DOCK4: variants seen among roughly 807,000 people sequenced by gnomAD.
DOCK4 encodes dedicator of cytokinesis protein 4.
Under a neutral mutation model 268.1 loss-of-function variants are expected in DOCK4, and 97 were observed. The observed-to-expected ratio is 0.36, with a 90% confidence interval of 0.31 to 0.43. The LOEUF (loss-of-function observed/expected upper bound fraction) is 0.43, where lower values mean the gene tolerates loss of function less well. Among genes scored for constraint, DOCK4 ranks in the 20% least tolerant of loss-of-function variants. The pLI, the probability that DOCK4 is intolerant of heterozygous loss-of-function variation, is 1.00. For synonymous variants in DOCK4, 954 were observed against 887.2 expected, an observed-to-expected ratio of 1.08 and a Z score of -1.34; for missense variants, 2,145 against 2,455.7, an observed-to-expected ratio of 0.87 and a Z score of 2.67.
At chr7:112,001,308 G>A (rs939602652) in intron 2 of DOCK4, among the ~76,000 whole-genome samples, 1 of 152,164 alleles carries the variant, frequency 6.6e-6, no homozygotes, top group Non-Finnish European at 1.5e-5. Context: ...GGTTTAAACT[G>A]CATGCCATTC....
Position 112,206,205 on chromosome 7 carries a change from G to C in DOCK4, c.-67C>G. 1.1e-5 allele frequency: 16 copies of C among 1,501,106 alleles called. No individual in the cohort carries two copies. Among genetic ancestry groups the C allele is most frequent in the African/African-American group, 1.4e-5 (1 of 72,096 alleles). The allele number at this position is 1,501,106 out of a possible 1,614,324, so 93.0% of individuals were successfully genotyped here. ...CGCCCCTTCTCCGGCTCACAACAAT[G>C]CACAGTCCCCGAGCAGCGCTGCAGT... On this transcript the variant is annotated 5_prime_UTR_variant, in exon 1 of 53. Transcript: ENST00000428084.
At chr7:112,102,521 C>T (rs1054642421) in intron 1 of DOCK4, among the ~76,000 whole-genome samples, 5 of 152,160 alleles carry the variant, frequency 3.3e-5, no homozygotes, top group South Asian at 2.1e-4. Context: ...CTTTGGGAGG[C>T]GATTAGGCTG....
At chr7:111,988,296 T>C (rs1175865659) in intron 6 of DOCK4, among the ~76,000 whole-genome samples, 1 of 152,184 alleles carries the variant, frequency 6.6e-6, no homozygotes, top group Non-Finnish European at 1.5e-5. Flanking sequence ...CACGCAACCC[T>C]AGGGTCTCAG....
At chr7:112,167,036 C>T (rs1817667657) in intron 1 of DOCK4, among the ~76,000 whole-genome samples, 1 of 152,112 alleles carries the variant, frequency 6.6e-6, no homozygotes, top group South Asian at 2.1e-4. Context: ...TTGTAATTTT[C>T]AAGGTTGCCA....
At chr7:111,815,669 C>T (rs1801492357) in intron 27 of DOCK4, among the ~76,000 whole-genome samples, 1 of 123,294 alleles carries the variant, frequency 8.1e-6, no homozygotes, top group African/African-American at 3.0e-5. Context: ...CTTTTTCTCT[C>T]TCTCTGTTCT....
At chr7:111,764,024 G>A (rs1349933150) in intron 39 of DOCK4, among the ~76,000 whole-genome samples, 1 of 152,098 alleles carries the variant, frequency 6.6e-6, no homozygotes, top group East Asian at 1.9e-4. Context: ...ATTTCCTCCA[G>A]TTTTAGGCAG....
At chr7:111,865,911 T>C (rs1350808132) in intron 22 of DOCK4, among the ~76,000 whole-genome samples, 3 of 152,228 alleles carry the variant, frequency 2.0e-5, no homozygotes, top group African/African-American at 7.2e-5. Flanking sequence ...GACATTAGTC[T>C]TCTGAAAACA....
intron 12 of DOCK4, among the ~76,000 whole-genome samples, chr7:111,926,938 G>A (rs1793762892): frequency 6.6e-6 from 1 of 151,948 alleles, no homozygotes; most frequent in Non-Finnish European, 1.5e-5. Flanking sequence ...GAGGAAGGAA[G>A]ACAGGAAGAA....
At chr7:111,911,808 G>GTT (rs537962837) in intron 13 of DOCK4, among the ~76,000 whole-genome samples, 6 of 147,490 alleles carry the variant, frequency 4.1e-5, no homozygotes, top group African/African-American at 1.5e-4. Context: ...GCTCTAAAAT[G>GTT]TTTTTTTTTT....
At position 112,072,566 on chromosome 7, in the gene DOCK4, A is replaced by C. The variant is rs552615465; in HGVS notation, c.38-68435T>G. 2.6e-5 allele frequency among the ~76,000 whole-genome samples: 4 copies of C among 152,342 alleles called. No homozygotes were observed. The South Asian group carries it at 8.3e-4, about 32-fold the overall frequency. ...TCATATGACCCAGCAATCCTGTTAC[A>C]GTAGGCAGTGAGGCAGACATGAGCA... On this transcript the variant is annotated intron_variant, in intron 1 of 52. Transcript: ENST00000428084.
chr7:112,100,248 C>T (rs1197352778), intron 1 of DOCK4, among the ~76,000 whole-genome samples: 1 of 152,204 alleles, frequency 6.6e-6, no homozygotes, highest in East Asian at 1.9e-4. Flanking sequence ...TAAAAAATAA[C>T]TATGCATAAT....
chr7:112,173,179 C>A (rs572189446), intron 1 of DOCK4, among the ~76,000 whole-genome samples: 17 of 152,194 alleles, frequency 1.1e-4, no homozygotes, highest in Non-Finnish European at 2.2e-4. Context: ...ATTTTACAGA[C>A]ATTTTATCCA....
rs370321814 is a variant in DOCK4, at chr7:112,175,002, G to A, written c.37+31100C>T. Among the ~76,000 whole-genome samples, 18 of 146,200 alleles carry A rather than the reference G, an allele frequency of 1.2e-4. No homozygotes were observed. The East Asian group carries it at 1.6e-3, about 13-fold the overall frequency. On this transcript the variant is annotated intron_variant, in intron 1 of 52. Coordinates refer to ENST00000428084, the MANE Select transcript of DOCK4 (RefSeq NM_001363540.2). ...GTTGCCCAGGCTGGAGTGCAGTGGC[G>A]CGATCTTGGCTCACTGAAACCTGGC...
At chr7:111,972,429 G>C (rs932475512) in intron 8 of DOCK4, among the ~76,000 whole-genome samples, 1 of 152,100 alleles carries the variant, frequency 6.6e-6, no homozygotes, top group Non-Finnish European at 1.5e-5. Context: ...AAAGCACTTA[G>C]AACAGAGTAT....
chr7:111,819,996 G>A (rs1238590860), intron 27 of DOCK4: 4 of 152,168 alleles, frequency 2.6e-5, no homozygotes, highest in Non-Finnish European at 2.9e-5. Flanking sequence ...GCTCTTTAAC[G>A]TATTTAAGAT....
intron 1 of DOCK4, among the ~76,000 whole-genome samples, chr7:112,204,379 G>T (rs1345273603): frequency 1.3e-5 from 2 of 152,202 alleles, no homozygotes; most frequent in Non-Finnish European, 2.9e-5. Context: ...TGAGCTTCCT[G>T]CACTGAGTGT....
At chr7:111,913,013 G>T (rs1792256744) in intron 13 of DOCK4, among the ~76,000 whole-genome samples, 1 of 151,478 alleles carries the variant, frequency 6.6e-6, no homozygotes, top group African/African-American at 2.4e-5. Flanking sequence ...GCCCAGGCTG[G>T]AGTGTAGTGA....
rs188641498 is a variant in DOCK4, at chr7:111,932,762, C to T, written c.1066+2778G>A. On this transcript the variant is annotated intron_variant, in intron 12 of 52. Transcript: ENST00000428084. ...TCTTCAAAATACGGTATGTTCTTTA[C>T]AATTACAGCACATCTCAATTCTAGT... Among the ~76,000 whole-genome samples, 8 of 152,170 alleles carry T rather than the reference C, an allele frequency of 5.3e-5. No individual in the cohort carries two copies. In the South Asian group the frequency reaches 1.2e-3, roughly 24 times the overall value.
intron 23 of DOCK4, 84 bp from the exon 24 acceptor site, chr7:111,847,210 A>G (rs1401711255): frequency 1.1e-4 from 170 of 1,531,904 alleles, no homozygotes; most frequent in Non-Finnish European, 1.4e-4. Flanking sequence ...TTTTAATTCA[A>G]TTTTGGTTGC....
Sources: allele counts gnomAD v4.1 joint callset (sites outside exome capture counted in the v4.1 genomes callset), GRCh38; gene constraint gnomAD v4.1.1; transcripts MANE v1.5; gene names NCBI Gene and HGNC (gene_info 2026-07-23, HGNC 2026-07-21).